The following EMC1 variants were observed in gnomAD, a reference collection of about 807,000 sequenced individuals.
EMC1 encodes KIAA0090.
In EMC1, 103 loss-of-function variants were observed where a neutral mutation model predicts 128.8. The observed-to-expected ratio is 0.80, with a 90% CI of 0.68 to 0.94. The LOEUF (loss-of-function observed/expected upper bound fraction) is 0.94, where lower values mean the gene tolerates loss of function less well. EMC1 is among the 40% of genes least tolerant of loss of function. The probability of loss-of-function intolerance (pLI) is 0.00; values close to 1 mark genes in which losing one functional copy is unlikely to be tolerated. For missense variants in EMC1, 1,083 were observed against 1,250.6 expected (o/e 0.87, Z 2.02); for synonymous variants, 442 against 490.4 (o/e 0.90, Z 1.30).
rs2273046 is a variant in EMC1 at position 19,239,802 on chromosome 1, T to C, written c.954+16A>G. ...AGATCTCCTGAATCCTAGCAAACCA[T>C]GTTGCCTGCAGTTACCTGTGGGAAG... On this transcript the variant is annotated intron_variant, in intron 8 of 22. Transcript: ENST00000477853. 421,126 of 1,611,060 alleles carry C rather than the reference T, an allele frequency of 0.26. 63,443 individuals are homozygous for C. The highest frequency in any genetic ancestry group is 0.7 in the East Asian group (31,263 of 44,798).
intron 2 of EMC1, 101 bp downstream of exon 2, chr1:19,244,805 G>T: frequency 1.4e-6 from 2 of 1,386,124 alleles, no homozygotes; most frequent in Non-Finnish European, 2.0e-6. Context: ...GGCATCTTTT[G>T]GCCAACATGT....
rs2093617939 is a variant in EMC1 at position 19,243,634 on chromosome 1, C to T, written c.360G>A (p.Glu120=). The T allele has an allele frequency of 6.2e-7, 1 of 1,614,158 alleles. No individual in the cohort carries two copies. The highest frequency in any genetic ancestry group is 8.5e-7 in the Non-Finnish European group (1 of 1,180,012). The change falls in exon 4 of 23, where the codon GAG becomes GAA. Residue 120 remains glutamate, a synonymous_variant. Coordinates refer to ENST00000477853, the MANE Select transcript of EMC1 (RefSeq NM_015047.3). ...CCTACCTGCCACTGTCCAGGGTTAT[C>T]TCCCAGTTCAGGCCCCCGATGTTAG... ...WETNIGGLNW[E]ITLDSGSFQA...
intron 9 of EMC1, 38 bp from the exon 10 acceptor site, chr1:19,238,895 A>C (rs1207532014): frequency 7.3e-7 from 1 of 1,373,314 alleles, no homozygotes; most frequent in Non-Finnish European, 1.0e-6. Flanking sequence ...ATTCAGCCAA[A>C]GGGTCACTTC....
intron 21 of EMC1, chr1:19,219,976 G>A: frequency 2.5e-6 from 1 of 398,158 alleles, no homozygotes; most frequent in Non-Finnish European, 4.6e-6. Flanking sequence ...CACACCACAA[G>A]AGGAAAGCCG....
intron 10 of EMC1, 53 bp downstream of exon 10, chr1:19,238,742 T>C (rs939772613): frequency 2.4e-6 from 3 of 1,253,226 alleles, no homozygotes; most frequent in Non-Finnish European, 3.5e-6. Flanking sequence ...CAACTCTCTT[T>C]GGTGGCCTCC....
intron 17 of EMC1, among the ~76,000 whole-genome samples, chr1:19,230,297 G>A (rs544821115): frequency 7.2e-5 from 11 of 152,330 alleles, no homozygotes; most frequent in South Asian, 6.2e-4. Flanking sequence ...GGGGCCAGGC[G>A]CGGTGGCTCA....
intron 1 of EMC1, among the ~76,000 whole-genome samples, chr1:19,249,115 A>C (rs1366835058): frequency 6.6e-6 from 1 of 152,204 alleles, no homozygotes; most frequent in Non-Finnish European, 1.5e-5. Flanking sequence ...AATTAAAAAA[A>C]TAAAATGTTT....
In EMC1 at chr1:19,219,488, AG is replaced by A. The variant is rs1289657645; in HGVS notation, c.2803-7del. On this transcript the variant is annotated splice_polypyrimidine_tract_variant and splice_region_variant and intron_variant, in intron 22 of 22. Coordinates refer to ENST00000477853, the MANE Select transcript of EMC1 (RefSeq NM_015047.3). ...TCCAAACCATAGGCCACAACCTGGA[AG>A]GCAGATGGAATAAGAATTAGGAAAG... The A allele has an allele frequency of 6.2e-7, 1 of 1,613,890 alleles. No homozygotes were observed. The highest frequency in any genetic ancestry group is 8.5e-7 in the Non-Finnish European group (1 of 1,179,988).
At position 19,243,802 on chromosome 1, in the gene EMC1, G is replaced by A. The variant is rs546552047; in HGVS notation, c.287-95C>T. ...GCAGTGGCCTCACCTCTGATTTCTG[G>A]ATGCAAATACATGTTAAACAGGTAC... is the stretch of plus-strand genomic sequence containing the variant. On this transcript the variant is annotated intron_variant, in intron 3 of 22. Coordinates refer to ENST00000477853, the MANE Select transcript of EMC1 (RefSeq NM_015047.3). 4.2e-5 allele frequency: 61 copies of A among 1,454,748 alleles called. No homozygotes were observed. The Middle Eastern group carries it at 8.7e-4, about 21-fold the overall frequency. 90.1% of individuals were successfully genotyped at this position (1,454,748 alleles called of 1,614,324 possible).
At chr1:19,249,073 G>GT (rs1159222402) in intron 1 of EMC1, among the ~76,000 whole-genome samples, 2 of 151,900 alleles carry the variant, frequency 1.3e-5, no homozygotes, top group African/African-American at 2.4e-5. Context: ...TAAAGTCTGT[G>GT]TTTTATACTA....
chr1:19,238,922 A>C (rs1279496794), intron 9 of EMC1, 65 bp from the exon 10 acceptor site: 2 of 1,171,334 alleles, frequency 1.7e-6, no homozygotes, highest in Non-Finnish European at 2.6e-6. Flanking sequence ...ACTGAAATGA[A>C]GCTTTTGTTT....
intron 19 of EMC1, 46 bp from the exon 20 acceptor site, chr1:19,222,880 A>G (rs372855842): frequency 7.4e-6 from 11 of 1,478,756 alleles, no homozygotes; most frequent in African/African-American, 7.0e-5. Flanking sequence ...AGCTGCTTCA[A>G]CTGGAAAGGG....
intron 12 of EMC1, among the ~76,000 whole-genome samples, chr1:19,235,883 C>A (rs1432447783): frequency 6.6e-6 from 1 of 151,830 alleles, no homozygotes. Flanking sequence ...ACAGTGAGAC[C>A]TTGTCTCAAA....
At chr1:19,236,841 G>A (rs1461124897) in intron 12 of EMC1, among the ~76,000 whole-genome samples, 5 of 151,658 alleles carry the variant, frequency 3.3e-5, no homozygotes, top group Middle Eastern at 6.9e-3. Context: ...GGTGGCACAC[G>A]CCTGTAATCC....
intron 21 of EMC1, 198 bp from the exon 22 acceptor site, chr1:19,219,896 T>C (rs2093418535): frequency 1.7e-6 from 1 of 580,550 alleles, no homozygotes. Flanking sequence ...CTCTGGAGAG[T>C]AAGACTGAGA....
In EMC1 at chr1:19,238,805, G is replaced by A; in HGVS notation, c.1079C>T (p.Ser360Phe). Residue 360 changes from serine (S) to phenylalanine (F), a missense_variant, in exon 10 of 23, where the codon TCT becomes TTT. By Grantham distance (155) the Ser-to-Phe change is radical. Around this residue, in one of 3 missense-constraint regions of EMC1, gnomAD observed 544 missense variants for 572.4 expected, o/e 0.95. Coordinates refer to ENST00000477853, the MANE Select transcript of EMC1 (RefSeq NM_015047.3). Reference sequence around the variant, plus strand: ...AGTGCCACACCATACCTTTGAACTAGACTTCTCCGAAAAGCTCCCCATTGA... The same window carrying A: ...AGTGCCACACCATACCTTTGAACTAAACTTCTCCGAAAAGCTCCCCATTGA... ...DGSMGSFSEK[S>F]SSKDSLACFN... The A allele has an allele frequency of 6.2e-7, 1 of 1,609,864 alleles. No individual in the cohort carries two copies.
chr1:19,220,597 C>G, intron 21 of EMC1, 167 bp downstream of exon 21: 1 of 499,446 alleles, frequency 2.0e-6, no homozygotes, highest in Admixed American at 3.6e-5. Context: ...CATTTCCCAG[C>G]AGACTGTAAG....
chr1:19,239,001 C>T lies in EMC1; in HGVS notation c.1027-144G>A. Reference sequence around the variant, plus strand: ...CCCTGCCCACAAAGCCTATTCAACCCTTAATAGCCCCATATGAAAGTAAGG... The same window carrying T: ...CCCTGCCCACAAAGCCTATTCAACCTTTAATAGCCCCATATGAAAGTAAGG... On this transcript the variant is annotated intron_variant, in intron 9 of 22. Transcript: ENST00000477853. The T allele has an allele frequency of 1.1e-5, 8 of 736,486 alleles. No homozygotes were observed. In the South Asian group the frequency reaches 1.3e-4, roughly 12 times the overall value. The allele number at this position is 736,486 out of a possible 1,614,324, so 45.6% of individuals were successfully genotyped here.
intron 11 of EMC1, among the ~76,000 whole-genome samples, chr1:19,237,700 T>C (rs2093576286): frequency 6.6e-6 from 1 of 152,314 alleles, no homozygotes; most frequent in South Asian, 2.1e-4. Context: ...ACTCTGGCTA[T>C]GGTACTCGAT....
Sources: gnomAD v4.1 joint callset for allele counts (sites outside exome capture counted in the v4.1 genomes callset) on GRCh38, gnomAD v4.1.1 for gene constraint, gnomAD v4.1.1 regional missense constraint, MANE v1.5 for transcripts, NCBI Gene and HGNC (gene_info 2026-07-23, HGNC 2026-07-21) for gene names.